PAK5: variants seen among roughly 807,000 people sequenced by gnomAD.
The protein encoded by PAK5 is p21 (RAC1) activated kinase 5, also known as serine/threonine-protein kinase PAK 5.
In PAK5, 16 loss-of-function variants were observed where a neutral mutation model predicts 65.9. The observed-to-expected ratio is 0.24, with a 90% CI of 0.16 to 0.37. The LOEUF (loss-of-function observed/expected upper bound fraction) is 0.37. Ranked by LOEUF, PAK5 falls within the 10% of genes least tolerant of loss-of-function variation. The probability of loss-of-function intolerance (pLI) is 1.00; values close to 1 mark genes in which losing one functional copy is unlikely to be tolerated. For missense variants in PAK5, 785 were observed against 903.9 expected, an observed-to-expected ratio of 0.87 and a Z score of 1.69; for synonymous variants, 371 against 354.9, an observed-to-expected ratio of 1.05 and a Z score of -0.51.
intron 7 of PAK5, among the ~76,000 whole-genome samples, chr20:9,551,034 C>T (rs1450494490): frequency 2.6e-5 from 4 of 152,002 alleles, no homozygotes; most frequent in Non-Finnish European, 4.4e-5. Context: ...AATTGAAACT[C>T]GACACTTGGA....
intron 3 of PAK5, among the ~76,000 whole-genome samples, chr20:9,627,082 A>T (rs2046854729): frequency 6.6e-6 from 1 of 152,238 alleles, no homozygotes; most frequent in Admixed American, 6.5e-5. Context: ...AAAGGTTTTT[A>T]GAAATAACTC....
chr20:9,815,951 A>G (rs1180445559), intron 1 of PAK5, among the ~76,000 whole-genome samples: 1 of 152,172 alleles, frequency 6.6e-6, no homozygotes, highest in Non-Finnish European at 1.5e-5. Context: ...AATTACATGC[A>G]CCATTCAGAG....
At chr20:9,687,775 A>G (rs1180108442) in intron 2 of PAK5, among the ~76,000 whole-genome samples, 1 of 152,214 alleles carries the variant, frequency 6.6e-6, no homozygotes, top group African/African-American at 2.4e-5. Flanking sequence ...TGCACAGAAT[A>G]GGGAATCTTT....
chr20:9,671,558 G>T lies in PAK5; in HGVS notation c.-11-27219C>A, dbSNP rs1370877354. On this transcript the variant is annotated intron_variant, in intron 2 of 9. Transcript: ENST00000353224. The stretch of plus-strand genomic sequence containing the variant: ...TCAATTGTGAATGGGAGTTCACTCA[G>T]GATTTGGCTCTCTGTTTGTCTGTTA... 1.2e-3 allele frequency among the ~76,000 whole-genome samples: 180 copies of T among 151,594 alleles called. 1 individual carries two copies. The highest frequency in any genetic ancestry group is 4.2e-3 in the African/African-American group (172 of 41,274).
chr20:9,636,320 C>A (rs915761813), intron 3 of PAK5, among the ~76,000 whole-genome samples: 1 of 152,098 alleles, frequency 6.6e-6, no homozygotes, highest in Non-Finnish European at 1.5e-5. Flanking sequence ...GATGAGCTTT[C>A]AACATAAACT....
At chr20:9,655,398 G>T (rs1311978829) in intron 2 of PAK5, among the ~76,000 whole-genome samples, 2 of 151,220 alleles carry the variant, frequency 1.3e-5, no homozygotes, top group South Asian at 2.1e-4. Context: ...TAAGTACATT[G>T]TGTGGGACTT....
chr20:9,675,979 C>G (rs1437583764), intron 2 of PAK5, among the ~76,000 whole-genome samples: 1 of 152,070 alleles, frequency 6.6e-6, no homozygotes, highest in Non-Finnish European at 1.5e-5. Context: ...TTTCATGCTG[C>G]TGATAAGAAC....
intron 2 of PAK5, among the ~76,000 whole-genome samples, chr20:9,695,555 C>T (rs2047857587): frequency 6.6e-6 from 1 of 151,946 alleles, no homozygotes; most frequent in Non-Finnish European, 1.5e-5. Context: ...CTTTAATAAC[C>T]CTTGCTTCTG....
At chr20:9,710,938 A>G (rs943811400) in intron 2 of PAK5, among the ~76,000 whole-genome samples, 3 of 152,218 alleles carry the variant, frequency 2.0e-5, no homozygotes, top group African/African-American at 4.8e-5. Context: ...ATTTTTTTCT[A>G]TCACTCAGTT....
rs746444836 is a variant in PAK5, at chr20:9,566,402, G to T, written c.991-18C>A. On this transcript the variant is annotated intron_variant, in intron 4 of 9. Coordinates refer to ENST00000353224, the MANE Select transcript of PAK5 (RefSeq NM_177990.4). ...TAATCCACCTGGGAAGACAGACATG[G>T]ATAGAGAATATTCACATGCTGGATC... 2 of 1,606,878 alleles carry T rather than the reference G, an allele frequency of 1.2e-6. No individual in the cohort carries two copies. Among genetic ancestry groups the T allele is most frequent in the South Asian group, 2.2e-5 (2 of 90,584 alleles).
rs2122997040 is a variant in PAK5, at chr20:9,566,135, G to A, written c.1240C>T (p.Pro414Ser). 1 of 1,613,942 alleles carries A rather than the reference G, an allele frequency of 6.2e-7. No homozygotes were observed. Among genetic ancestry groups the A allele is most frequent in the Non-Finnish European group, 8.5e-7 (1 of 1,179,930 alleles). Residue 414 changes from proline (P) to serine (S), a missense_variant, in exon 5 of 10, where the codon CCC (proline) becomes TCC (serine). Around this residue, in one of 4 missense-constraint regions of PAK5, gnomAD observed 422 missense variants for 413.3 expected, o/e 1.02. Coordinates refer to ENST00000353224, the MANE Select transcript of PAK5 (RefSeq NM_177990.4). ...TGGTCGGAGGAGGAGCCCCAGCTGG[G>A]CGGCGGGTAGGTGCTGGATGAGAGG... ...LSLSSSTYPP[P>S]SWGSSSDQQP...
chr20:9,628,837 T>A (rs796686127), intron 3 of PAK5, among the ~76,000 whole-genome samples: 16 of 152,280 alleles, frequency 1.1e-4, no homozygotes, highest in African/African-American at 3.4e-4. Flanking sequence ...CATGGCCAAG[T>A]GTGGAGTTGC....
intron 1 of PAK5, among the ~76,000 whole-genome samples, chr20:9,822,776 C>G (rs564673555): frequency 5.5e-4 from 83 of 152,286 alleles, no homozygotes; most frequent in African/African-American, 1.9e-3. Flanking sequence ...AAGGGCTTTT[C>G]CATATCATGG....
chr20:9,621,919 G>T (rs148107858), intron 3 of PAK5, among the ~76,000 whole-genome samples: 102 of 152,326 alleles, frequency 6.7e-4, no homozygotes, highest in African/African-American at 2.4e-3. Flanking sequence ...GCTCAGGCTA[G>T]ACTGGAACTG....
At chr20:9,721,893 G>C (rs1315430578) in intron 1 of PAK5, among the ~76,000 whole-genome samples, 2 of 151,970 alleles carry the variant, frequency 1.3e-5, no homozygotes, top group Non-Finnish European at 2.9e-5. Context: ...ATATTTCAGT[G>C]GTAGGATTTT....
intron 1 of PAK5, among the ~76,000 whole-genome samples, chr20:9,717,843 C>G (rs1219194618): frequency 1.3e-5 from 2 of 152,194 alleles, no homozygotes; most frequent in African/African-American, 4.8e-5. Context: ...TGGTCTCAAA[C>G]TCCTGACCTC....
chr20:9,767,524 G>GA (rs2048782332), intron 1 of PAK5, among the ~76,000 whole-genome samples: 1 of 152,186 alleles, frequency 6.6e-6, no homozygotes, highest in Non-Finnish European at 1.5e-5. Flanking sequence ...GGCTCTGTAA[G>GA]AGTAGAGACC....
chr20:9,817,136 A>C (rs1417017848), intron 1 of PAK5, among the ~76,000 whole-genome samples: 1 of 152,128 alleles, frequency 6.6e-6, no homozygotes. Context: ...TACATGAATA[A>C]ATAATAAAAA....
At chr20:9,716,673 A>G (rs1358861862) in intron 1 of PAK5, among the ~76,000 whole-genome samples, 2 of 152,194 alleles carry the variant, frequency 1.3e-5, no homozygotes, top group Non-Finnish European at 2.9e-5. Context: ...ACTTTAAGAC[A>G]TTCTCAAATC....
Sources: gnomAD v4.1 joint callset for allele counts (sites outside exome capture counted in the v4.1 genomes callset) on GRCh38, gnomAD v4.1.1 for gene constraint, gnomAD v4.1.1 regional missense constraint, MANE v1.5 for transcripts, NCBI Gene and HGNC (gene_info 2026-07-23, HGNC 2026-07-21) for gene names.